Variants in TTC4 observed in about 807,000 individuals in gnomAD.
TTC4 encodes hsp70/Hsp90 co-chaperone CNS1 homolog.
TTC4 carries 36 observed loss-of-function variants against 51.9 expected under a neutral mutation model. That is an observed-to-expected ratio of 0.69 (90% CI 0.53 to 0.92). The LOEUF (loss-of-function observed/expected upper bound fraction) is 0.92, where lower values mean the gene tolerates loss of function less well. Among genes scored for constraint, TTC4 ranks in the 40% least tolerant of loss-of-function variants. The probability of loss-of-function intolerance (pLI) is 0.00; values close to 1 mark genes in which losing one functional copy is unlikely to be tolerated. For synonymous variants in TTC4, 144 were observed against 164.2 expected (o/e 0.88, Z 0.94); for missense variants, 399 against 454.6 (o/e 0.88, Z 1.11).
intron 8 of TTC4, among the ~76,000 whole-genome samples, chr1:54,735,522 G>A (rs552439039): frequency 6.6e-6 from 1 of 152,182 alleles, no homozygotes; most frequent in South Asian, 2.1e-4. Context: ...TGCCCGGCCT[G>A]GATTATGCAT....
chr1:54,723,577 G>T (rs1367574548), intron 5 of TTC4, among the ~76,000 whole-genome samples: 1 of 152,154 alleles, frequency 6.6e-6, no homozygotes, highest in African/African-American at 2.4e-5. Context: ...TTAGACTCTG[G>T]AGCCACTGCC....
chr1:54,720,493 G>GTT (rs35285471), intron 3 of TTC4, among the ~76,000 whole-genome samples: 7 of 127,238 alleles, frequency 5.5e-5, no homozygotes, highest in Non-Finnish European at 6.7e-5. Flanking sequence ...TAGATATTTA[G>GTT]TTTTTTTTTT....
At position 54,716,599 on chromosome 1, in the gene TTC4, G is replaced by C; in HGVS notation, c.112-1G>C. On this transcript the variant is annotated splice_acceptor_variant, in intron 1 of 9. Transcript: ENST00000371281. LOFTEE classifies it high-confidence loss of function. ...TGTAGTTCATTCTTAACCATTTACA[G>C]GAATTTGAAAAGGTCCCCCTATTTA... The C allele has an allele frequency of 6.2e-7, 1 of 1,607,622 alleles. No individual in the cohort carries two copies. Among genetic ancestry groups the C allele is most frequent in the Non-Finnish European group, 8.5e-7 (1 of 1,176,062 alleles).
Position 54,728,922 on chromosome 1 carries a change from C to A in TTC4, c.681+490C>A, listed in dbSNP as rs954841963. On this transcript the variant is annotated intron_variant, in intron 6 of 9. Transcript: ENST00000371281. ...TTTCACAGATAGAAGGTTGCTCTTA[C>A]CATAGATCTTAGCAACCTCAGCATA... Among the ~76,000 whole-genome samples, 4 of 152,018 alleles carry A rather than the reference C, an allele frequency of 2.6e-5. No individual in the cohort carries two copies. The East Asian group carries it at 7.7e-4, about 29-fold the overall frequency.
intron 5 of TTC4, among the ~76,000 whole-genome samples, chr1:54,728,002 C>G (rs1489915280): frequency 1.3e-5 from 2 of 152,194 alleles, no homozygotes; most frequent in African/African-American, 4.8e-5. Flanking sequence ...GACAGGGTTT[C>G]TGTCACCCAG....
At chr1:54,721,351 A>T (rs1369683640) in intron 4 of TTC4, 111 bp downstream of exon 4, 2 of 930,390 alleles carry the variant, frequency 2.1e-6, no homozygotes, top group Non-Finnish European at 3.2e-6. Flanking sequence ...CCTGTTCCTT[A>T]TCAACAGCAA....
At chr1:54,721,819 G>A (rs1275952743) in intron 4 of TTC4, among the ~76,000 whole-genome samples, 2 of 152,172 alleles carry the variant, frequency 1.3e-5, no homozygotes, top group Non-Finnish European at 2.9e-5. Flanking sequence ...TCATGGTTAA[G>A]GGCAGTAGGA....
At chr1:54,731,768 C>T (rs759878049) in intron 7 of TTC4, 68 bp downstream of exon 7, 41 of 1,488,498 alleles carry the variant, frequency 2.8e-5, no homozygotes, top group South Asian at 6.1e-5. Flanking sequence ...GCAGGAGGGA[C>T]GAGTGGATTT....
chr1:54,740,014 C>T (rs1393782540), intron 9 of TTC4, among the ~76,000 whole-genome samples: 3 of 152,094 alleles, frequency 2.0e-5, no homozygotes, highest in Non-Finnish European at 2.9e-5. Context: ...AGCGAGATCC[C>T]GTCTCTATAG....
intron 2 of TTC4, among the ~76,000 whole-genome samples, chr1:54,717,199 T>G (rs546020944): frequency 1.8e-4 from 28 of 152,306 alleles, no homozygotes; most frequent in African/African-American, 6.7e-4. Context: ...TCTTCAGTGA[T>G]TAAAAAAAAT....
chr1:54,737,715 A>C (rs1436671896), intron 9 of TTC4, 51 bp downstream of exon 9: 1 of 1,562,416 alleles, frequency 6.4e-7, no homozygotes, highest in African/African-American at 1.4e-5. Flanking sequence ...TCAGTGTATT[A>C]GTCCATTTTC....
At chr1:54,721,280 G>T in intron 4 of TTC4, 40 bp downstream of exon 4, 2 of 1,596,064 alleles carry the variant, frequency 1.3e-6, no homozygotes, top group East Asian at 2.2e-5. Context: ...TTAAAGCTTT[G>T]ATATGAAGGT....
chr1:54,728,576 AC>A, intron 6 of TTC4, 144 bp downstream of exon 6: 3 of 814,232 alleles, frequency 3.7e-6, no homozygotes, highest in Non-Finnish European at 5.6e-6. Flanking sequence ...GACAGAGGAG[AC>A]CAGGCTCTGG....
intron 2 of TTC4, among the ~76,000 whole-genome samples, chr1:54,716,973 ATAAG>A (rs1371711060): frequency 6.6e-6 from 1 of 152,216 alleles, no homozygotes; most frequent in Non-Finnish European, 1.5e-5. Context: ...AACTTATGCT[ATAAG>A]TGTCAACATG....
At chr1:54,718,317 C>T (rs961845383) in intron 3 of TTC4, among the ~76,000 whole-genome samples, 3 of 152,178 alleles carry the variant, frequency 2.0e-5, no homozygotes, top group African/African-American at 7.2e-5. Context: ...CATAATCACA[C>T]CACTGCACTC....
intron 6 of TTC4, among the ~76,000 whole-genome samples, chr1:54,730,837 C>G (rs955911442): frequency 6.7e-6 from 1 of 149,722 alleles, no homozygotes; most frequent in African/African-American, 2.5e-5. Context: ...ACTTGCTGCT[C>G]GTTGGAGTGG....
intron 1 of TTC4, 23 bp downstream of exon 1, chr1:54,716,042 C>A (rs1355023779): frequency 6.4e-7 from 1 of 1,555,002 alleles, no homozygotes; most frequent in South Asian, 1.2e-5. Flanking sequence ...GGGGTCTCCC[C>A]ACGTGTGTAG....
chr1:54,731,874 T>C lies in TTC4; in HGVS notation c.896+174T>C, dbSNP rs117279176. On this transcript the variant is annotated intron_variant, in intron 7 of 9. Transcript: ENST00000371281. ...TGTAGCTGACTGAACCTTGACTAAC[T>C]AGGTTTGCAACGACAGACAAAAGTC... 3.2e-4 allele frequency among the ~76,000 whole-genome samples: 44 copies of C among 135,552 alleles called. 1 individual carries two copies. The East Asian group carries it at 9.3e-3, about 29-fold the overall frequency. 88.9% of individuals were successfully genotyped at this position (135,552 alleles called of 152,430 possible).
At chr1:54,739,972 G>T (rs1019382694) in intron 9 of TTC4, among the ~76,000 whole-genome samples, 1 of 152,184 alleles carries the variant, frequency 6.6e-6, no homozygotes, top group South Asian at 2.1e-4. Context: ...GATCACCTGA[G>T]CTCAGAAGTT....
Sources: gnomAD v4.1 joint callset for allele counts (sites outside exome capture counted in the v4.1 genomes callset) on GRCh38, gnomAD v4.1.1 for gene constraint, MANE v1.5 for transcripts, NCBI Gene and HGNC (gene_info 2026-07-23, HGNC 2026-07-21) for gene names.